SEPTIN7: variants seen among roughly 807,000 people sequenced by gnomAD.
The protein encoded by SEPTIN7 is septin-7.
SEPTIN7 carries 10 observed loss-of-function variants against 63.3 expected under a neutral mutation model. That is an observed-to-expected ratio of 0.16 (90% CI 0.10 to 0.27). The LOEUF (loss-of-function observed/expected upper bound fraction) is 0.27, where lower values mean the gene tolerates loss of function less well. SEPTIN7 is among the 10% of genes least tolerant of loss of function. SEPTIN7 has a pLI of 1.00. For missense variants in SEPTIN7, 310 were observed against 521.0 expected (o/e 0.59, Z 3.94); for synonymous variants, 131 against 165.3 (o/e 0.79, Z 1.59).
At chr7:35,892,150 A>G (rs1457107987) in intron 11 of SEPTIN7, among the ~76,000 whole-genome samples, 1 of 152,206 alleles carries the variant, frequency 6.6e-6, no homozygotes, top group African/African-American at 2.4e-5. Flanking sequence ...GTTATCTACA[A>G]TTAGACGATA....
At chr7:35,825,893 A>G (rs926401093) in intron 1 of SEPTIN7, among the ~76,000 whole-genome samples, 1 of 152,140 alleles carries the variant, frequency 6.6e-6, no homozygotes, top group Non-Finnish European at 1.5e-5. Flanking sequence ...AGAATCCAGA[A>G]TAGGATTAAG....
intron 10 of SEPTIN7, among the ~76,000 whole-genome samples, chr7:35,888,466 T>A (rs1364442267): frequency 6.6e-6 from 1 of 152,116 alleles, no homozygotes; most frequent in East Asian, 1.9e-4. Flanking sequence ...TCATGTAAGT[T>A]TTCTTCCTTA....
At chr7:35,822,515 A>G (rs1352097087) in intron 1 of SEPTIN7, among the ~76,000 whole-genome samples, 4 of 152,086 alleles carry the variant, frequency 2.6e-5, no homozygotes, top group African/African-American at 9.7e-5. Context: ...TCACTCTCCA[A>G]TGAGAATCTA....
chr7:35,882,418 A>G (rs1025266890), intron 7 of SEPTIN7, 66 bp from the exon 8 acceptor site: 18 of 1,205,874 alleles, frequency 1.5e-5, no homozygotes, highest in South Asian at 2.3e-5. Context: ...GAGGCATGTA[A>G]TGAACATAAG....
intron 3 of SEPTIN7, among the ~76,000 whole-genome samples, chr7:35,841,499 C>G (rs1243980802): frequency 6.6e-6 from 1 of 152,102 alleles, no homozygotes; most frequent in Non-Finnish European, 1.5e-5. Context: ...ACCGAGAGGC[C>G]TAAGATAAAC....
intron 3 of SEPTIN7, among the ~76,000 whole-genome samples, chr7:35,853,545 G>A (rs1284533927): frequency 6.6e-6 from 1 of 152,150 alleles, no homozygotes; most frequent in African/African-American, 2.4e-5. Flanking sequence ...AGATTGAGCT[G>A]TAGCTCTGCT....
Position 35,801,194 on chromosome 7 carries a change from C to T in SEPTIN7, c.-16C>T, listed in dbSNP as rs1384033923. Reference sequence around the variant, plus strand: ...GGCTGCGCTCCGCTGGGGCTGGTCGCGGAGGGGGGGAGGGGATGTCGGTCA... The same window carrying T: ...GGCTGCGCTCCGCTGGGGCTGGTCGTGGAGGGGGGGAGGGGATGTCGGTCA... On this transcript the variant is annotated 5_prime_UTR_variant, in exon 1 of 14. Transcript: ENST00000350320. 1 of 1,491,222 alleles carries T rather than the reference C, an allele frequency of 6.7e-7. No homozygotes were observed. The highest frequency in any genetic ancestry group is 1.3e-5 in the South Asian group (1 of 78,042). 92.4% of individuals were successfully genotyped at this position (1,491,222 alleles called of 1,614,324 possible). A position where few individuals can be genotyped will look rare whatever the true frequency, so the allele number is the denominator to read the frequency against.
chr7:35,892,520 A>ACAT, intron 11 of SEPTIN7, among the ~76,000 whole-genome samples: 1 of 152,150 alleles, frequency 6.6e-6, no homozygotes, highest in South Asian at 2.1e-4. Context: ...AAGTACTAGT[A>ACAT]CATATTTTTT....
In SEPTIN7 at chr7:35,813,875, G is replaced by A. The variant is rs73324320; in HGVS notation, c.61+12605G>A. Among the ~76,000 whole-genome samples the A allele has an allele frequency of 2.4e-3, 369 of 152,238 alleles. 2 individuals are homozygous for A. Among genetic ancestry groups the A allele is most frequent in the African/African-American group, 8.4e-3 (349 of 41,518 alleles). On this transcript the variant is annotated intron_variant, in intron 1 of 13. Coordinates refer to ENST00000350320, the MANE Select transcript of SEPTIN7 (RefSeq NM_001788.6). The stretch of plus-strand genomic sequence containing the variant: ...AACTCTTTGAAATAAGAGACTATCA[G>A]TTGTAGTATTGACATTAAGTTCATT...
intron 4 of SEPTIN7, among the ~76,000 whole-genome samples, chr7:35,870,580 A>G (rs1463678273): frequency 2.0e-5 from 3 of 152,184 alleles, no homozygotes; most frequent in Non-Finnish European, 4.4e-5. Flanking sequence ...TGTCTTTATA[A>G]AGGAGATGGA....
intron 6 of SEPTIN7, among the ~76,000 whole-genome samples, chr7:35,877,179 A>G (rs549400518): frequency 1.3e-5 from 2 of 151,842 alleles, no homozygotes; most frequent in Non-Finnish European, 2.9e-5. Flanking sequence ...CAGTTTACAG[A>G]TAATATAAAC....
intron 4 of SEPTIN7, 81 bp from the exon 5 acceptor site, chr7:35,872,585 C>T (rs180733037): frequency 8.7e-6 from 9 of 1,038,802 alleles, no homozygotes; most frequent in East Asian, 2.4e-5. Flanking sequence ...TTGATAAACT[C>T]GAACGTCCCT....
intron 10 of SEPTIN7, among the ~76,000 whole-genome samples, chr7:35,886,553 T>G (rs1269205147): frequency 6.6e-6 from 1 of 152,310 alleles, no homozygotes; most frequent in East Asian, 1.9e-4. Flanking sequence ...ATCAAAATGA[T>G]CCTCAGTATT....
chr7:35,904,226 T>C, intron 13 of SEPTIN7, 28 bp from the exon 14 acceptor site: 1 of 1,511,382 alleles, frequency 6.6e-7, no homozygotes, highest in Non-Finnish European at 8.9e-7. Context: ...TGGTTACTCA[T>C]CTTGCTTATT....
chr7:35,803,250 G>A, intron 1 of SEPTIN7: 1 of 569,386 alleles, frequency 1.8e-6, no homozygotes, highest in Non-Finnish European at 2.2e-6. Context: ...GATAAAATTG[G>A]TTGTTCAGAT....
At chr7:35,858,150 G>T (rs1350744015) in intron 3 of SEPTIN7, among the ~76,000 whole-genome samples, 1 of 151,812 alleles carries the variant, frequency 6.6e-6, no homozygotes, top group African/African-American at 2.4e-5. Context: ...TTGCCATGTT[G>T]CCCAGGCCTG....
rs1487763022 is a variant in SEPTIN7 at position 35,898,231 on chromosome 7, C to G, written c.999-17C>G. 2 of 1,518,688 alleles carry G rather than the reference C, an allele frequency of 1.3e-6. No individual in the cohort carries two copies. Among genetic ancestry groups the G allele is most frequent in the East Asian group, 2.4e-5 (1 of 40,852 alleles). The allele number at this position is 1,518,688 out of a possible 1,614,324, so 94.1% of individuals were successfully genotyped here. ...TATTCACAGACATTTAATGATTACCCTTAATATTCGTGACAGGAGCCCTCT... is the reference window on the plus strand; with the variant it reads ...TATTCACAGACATTTAATGATTACCGTTAATATTCGTGACAGGAGCCCTCT... On this transcript the variant is annotated splice_polypyrimidine_tract_variant and intron_variant, in intron 11 of 13. Transcript: ENST00000350320.
intron 1 of SEPTIN7, among the ~76,000 whole-genome samples, chr7:35,829,147 TTTTTTG>T (rs1783684664): frequency 7.1e-6 from 1 of 141,482 alleles, no homozygotes; most frequent in African/African-American, 2.7e-5. Context: ...TTTTTTTTTT[TTTTTTG>T]GAGACGGAGT....
chr7:35,801,898 C>T (rs1788011372), intron 1 of SEPTIN7, among the ~76,000 whole-genome samples: 1 of 152,130 alleles, frequency 6.6e-6, no homozygotes, highest in Non-Finnish European at 1.5e-5. Flanking sequence ...GCTCCTCCTC[C>T]CGCCTCTCGG....
Sources: allele counts gnomAD v4.1 joint callset (sites outside exome capture counted in the v4.1 genomes callset), GRCh38; gene constraint gnomAD v4.1.1; transcripts MANE v1.5; gene names NCBI Gene and HGNC (gene_info 2026-07-23, HGNC 2026-07-21).